The following C2CD5 variants were observed in gnomAD, a reference collection of about 807,000 sequenced individuals.
The protein encoded by C2CD5 is C2 domain-containing protein 5.
Under a neutral mutation model 130.3 loss-of-function variants are expected in C2CD5, and 109 were observed. The ratio of observed to expected loss-of-function variants is 0.84; its 90% CI spans 0.72 to 0.98. The LOEUF (loss-of-function observed/expected upper bound fraction) is 0.98, where lower values mean the gene tolerates loss of function less well. Ranked by LOEUF, C2CD5 falls within the 50% of genes least tolerant of loss-of-function variation. C2CD5 has a pLI of 0.00. For missense variants in C2CD5, 996 were observed against 1,261.8 expected, an observed-to-expected ratio of 0.79 and a Z score of 3.19; for synonymous variants, 454 against 429.2, an observed-to-expected ratio of 1.06 and a Z score of -0.71.
intron 21 of C2CD5, among the ~76,000 whole-genome samples, 198 bp downstream of exon 21, chr12:22,470,626 C>T (rs907299770): frequency 6.6e-6 from 1 of 152,090 alleles, no homozygotes; most frequent in African/African-American, 2.4e-5. Context: ...CAGTCAAATA[C>T]CACCCAGTCG....
rs140237149 is a variant in C2CD5, at chr12:22,532,764, T to A, written c.177+2494A>T. 3.7e-3 allele frequency among the ~76,000 whole-genome samples: 564 copies of A among 152,310 alleles called. 3 individuals are homozygous for A. The highest frequency in any genetic ancestry group is 0.013 in the African/African-American group (534 of 41,568). ...GCAAATCAATACTTTCCTTCCCTTG[T>A]TCTCTTTCACTGAAGAATGACACCT... On this transcript the variant is annotated intron_variant, in intron 3 of 26. Transcript: ENST00000446597.
chr12:22,469,043 T>A (rs1290648546), intron 22 of C2CD5, among the ~76,000 whole-genome samples: 1 of 152,176 alleles, frequency 6.6e-6, no homozygotes, highest in Non-Finnish European at 1.5e-5. Flanking sequence ...TAATTTTAAA[T>A]TTTTTTGTAA....
At position 22,506,784 on chromosome 12, in the gene C2CD5, A is replaced by G; in HGVS notation, c.1074T>C (p.Pro358=). 6.2e-7 allele frequency: 1 copy of G among 1,612,012 alleles called. No homozygotes were observed. Among genetic ancestry groups the G allele is most frequent in the South Asian group, 1.1e-5 (1 of 91,050 alleles). The change falls in exon 10 of 27, where the codon CCT becomes CCC. Residue 358 remains proline, a synonymous_variant. Coordinates refer to ENST00000446597, the MANE Select transcript of C2CD5 (RefSeq NM_001286176.2). ...FPFFTLTAFP[P]GFLVHVGGVV... ...CACCCCCAACGTGTACAAGGAATCCAGGAGGAAATGCCGTCAAGGTAAAAA... is the reference window on the plus strand; with the variant it reads ...CACCCCCAACGTGTACAAGGAATCCGGGAGGAAATGCCGTCAAGGTAAAAA...
rs778755974 is a variant in C2CD5, at chr12:22,490,135, C to G, written c.1346G>C (p.Cys449Ser). The G allele has an allele frequency of 3.1e-6, 5 of 1,613,188 alleles. No individual in the cohort carries two copies. The South Asian group carries it at 4.4e-5, about 14-fold the overall frequency. ...CTGCCATGACAACCTCTGTTCCAAA[C>G]AGCCTTCCACGGTGCCATCCTGCAG... is the stretch of plus-strand genomic sequence containing the variant. ...RFLQDGTVEG[C>S]LEQRLEENLP... The change falls in exon 12 of 27, where the codon TGT becomes TCT. Residue 449 changes from cysteine to serine, a missense_variant. By Grantham distance (112) the Cys-to-Ser change is moderately radical. This residue lies in a region of C2CD5 where 590 missense variants were observed against 631.4 expected (regional missense o/e 0.93). Transcript: ENST00000446597.
At chr12:22,479,783 G>T (rs1190300027) in intron 14 of C2CD5, among the ~76,000 whole-genome samples, 2 of 151,800 alleles carry the variant, frequency 1.3e-5, no homozygotes, top group Admixed American at 1.3e-4. Context: ...ACAAAACAAG[G>T]TAACATTTAT....
At chr12:22,503,786 A>G (rs1948116629) in intron 10 of C2CD5, among the ~76,000 whole-genome samples, 1 of 152,242 alleles carries the variant, frequency 6.6e-6, no homozygotes, top group Non-Finnish European at 1.5e-5. Flanking sequence ...TGTTGGGATT[A>G]CAGGTGTAAG....
chr12:22,542,295 T>A (rs1952470647), intron 2 of C2CD5, among the ~76,000 whole-genome samples: 1 of 152,240 alleles, frequency 6.6e-6, no homozygotes. Context: ...CCCAGCACTT[T>A]GGGAGGCCGA....
Position 22,472,076 on chromosome 12 carries a change from G to T in C2CD5, c.2170-11C>A. 7.0e-7 allele frequency: 1 copy of T among 1,422,326 alleles called. No individual in the cohort carries two copies. The highest frequency in any genetic ancestry group is 9.8e-7 in the Non-Finnish European group (1 of 1,016,370). 88.1% of individuals were successfully genotyped at this position (1,422,326 alleles called of 1,614,324 possible). A position where few individuals can be genotyped will look rare whatever the true frequency, so the allele number is the denominator to read the frequency against. ...TACTGAAGTGAACATCTAAATGTGG[G>T]GTGACATAACATGTCATTTTATTAT... On this transcript the variant is annotated splice_polypyrimidine_tract_variant and intron_variant, in intron 18 of 26. Coordinates refer to ENST00000446597, the MANE Select transcript of C2CD5 (RefSeq NM_001286176.2).
chr12:22,452,581 C>G (rs554651403), intron 26 of C2CD5, among the ~76,000 whole-genome samples: 2 of 152,242 alleles, frequency 1.3e-5, no homozygotes, highest in Admixed American at 6.5e-5. Flanking sequence ...CTCTAACGTG[C>G]CTTAGCCATT....
At chr12:22,496,930 G>T (rs1054385764) in intron 10 of C2CD5, among the ~76,000 whole-genome samples, 1 of 152,028 alleles carries the variant, frequency 6.6e-6, no homozygotes, top group Non-Finnish European at 1.5e-5. Flanking sequence ...CATGGCCACA[G>T]CTCGATATCT....
At chr12:22,481,052 A>G (rs1052535698) in intron 14 of C2CD5, among the ~76,000 whole-genome samples, 2 of 152,024 alleles carry the variant, frequency 1.3e-5, no homozygotes, top group Non-Finnish European at 2.9e-5. Context: ...CGATCTGCCC[A>G]CCTCAGCCTC....
intron 5 of C2CD5, 44 bp from the exon 6 acceptor site, chr12:22,524,671 ACTC>A (rs1310520701): frequency 6.6e-7 from 1 of 1,507,960 alleles, no homozygotes; most frequent in Non-Finnish European, 9.1e-7. Context: ...AAAAGGTAAA[ACTC>A]AATTTTTAAA....
chr12:22,524,607 A>T lies in C2CD5; in HGVS notation c.466T>A (p.Tyr156Asn), dbSNP rs910603357. The change falls in exon 6 of 27, where the codon TAT (tyrosine) becomes AAT (asparagine). Residue 156 changes from tyrosine (Y) to asparagine (N), a missense_variant. Transcript: ENST00000446597. ...AATCCATGAATTATCACAGCTCTAT[A>T]GCATTTTGGAATAGACGTTGCTGTT... is the stretch of plus-strand genomic sequence containing the variant. ...FFCTTSIPKC[Y>N]RAVIIHGFVE... The T allele has an allele frequency of 1.2e-6, 2 of 1,612,440 alleles. No individual in the cohort carries two copies. Among genetic ancestry groups the T allele is most frequent in the Non-Finnish European group, 1.7e-6 (2 of 1,178,788 alleles).
chr12:22,507,728 A>G (rs916881516), intron 9 of C2CD5, among the ~76,000 whole-genome samples: 4 of 152,210 alleles, frequency 2.6e-5, no homozygotes, highest in Non-Finnish European at 5.9e-5. Flanking sequence ...AATGTAGCTC[A>G]CTTAACTGGA....
At chr12:22,454,155 C>A in intron 25 of C2CD5, 113 bp from the exon 26 acceptor site, 7 of 806,978 alleles carry the variant, frequency 8.7e-6, no homozygotes, top group Non-Finnish European at 1.3e-5. Flanking sequence ...TCTTAATATA[C>A]CAAATAACTT....
intron 26 of C2CD5, among the ~76,000 whole-genome samples, chr12:22,450,761 T>C (rs1938412955): frequency 6.6e-6 from 1 of 152,132 alleles, no homozygotes; most frequent in Non-Finnish European, 1.5e-5. Flanking sequence ...TCACATTGTT[T>C]TTGTAGCACT....
chr12:22,469,866 G>A lies in C2CD5; in HGVS notation c.2447-71C>T, dbSNP rs1261111521. 1.2e-5 allele frequency: 10 copies of A among 869,434 alleles called. No individual in the cohort carries two copies. The East Asian group carries it at 3.0e-4, about 26-fold the overall frequency. 53.9% of individuals were successfully genotyped at this position (869,434 alleles called of 1,614,324 possible). On this transcript the variant is annotated intron_variant, in intron 21 of 26. Coordinates refer to ENST00000446597, the MANE Select transcript of C2CD5 (RefSeq NM_001286176.2). ...TAATTTTTTAAAATTAAGAATCTGT[G>A]ACAACATACATATACATATTCTCAG...
intron 2 of C2CD5, among the ~76,000 whole-genome samples, chr12:22,540,423 C>G (rs776657812): frequency 6.6e-6 from 1 of 152,120 alleles, no homozygotes; most frequent in Non-Finnish European, 1.5e-5. Flanking sequence ...ATGTAAGTTC[C>G]GTGAATGAAG....
At position 22,513,285 on chromosome 12, in the gene C2CD5, G is replaced by C. The variant is rs761007629; in HGVS notation, c.1038+9C>G. 27 of 1,570,010 alleles carry C rather than the reference G, an allele frequency of 1.7e-5. No individual in the cohort carries two copies. In the African/African-American group the frequency reaches 2.2e-4, roughly 13 times the overall value. ...AGTGTAAGAACAAAGAATATCAAGT[G>C]AATCTTACCCTCTGTTCCAACGCTG... On this transcript the variant is annotated intron_variant, in intron 9 of 26. Coordinates refer to ENST00000446597, the MANE Select transcript of C2CD5 (RefSeq NM_001286176.2).
Sources: allele counts gnomAD v4.1 joint callset (sites outside exome capture counted in the v4.1 genomes callset), GRCh38; gene constraint gnomAD v4.1.1; regional missense constraint gnomAD v4.1.1; transcripts MANE v1.5; gene names NCBI Gene and HGNC (gene_info 2026-07-23, HGNC 2026-07-21).